The following RBFOX1 variants were observed in gnomAD, a reference collection of about 807,000 sequenced individuals.
RBFOX1 encodes the protein RNA binding protein fox-1 homolog 1.
Under a neutral mutation model 57.7 loss-of-function variants are expected in RBFOX1, and 8 were observed. That is an observed-to-expected ratio of 0.14 (90% CI 0.08 to 0.25). RBFOX1 has a LOEUF of 0.25. Among genes scored for constraint, RBFOX1 ranks in the 10% least tolerant of loss-of-function variants. RBFOX1 has a pLI of 1.00. For missense variants in RBFOX1, 611 were observed against 548.5 expected (o/e 1.11, Z -1.14); for synonymous variants, 326 against 222.4 (o/e 1.47, Z -4.15).
chr16:7,523,104 G>T (rs2077882668), intron 5 of RBFOX1, among the ~76,000 whole-genome samples: 1 of 152,100 alleles, frequency 6.6e-6, no homozygotes, highest in South Asian at 2.1e-4. Flanking sequence ...TGCTCTCTTT[G>T]TCTGGCTTCT....
intron 4 of RBFOX1, among the ~76,000 whole-genome samples, chr16:7,119,117 G>A (rs1255575564): frequency 6.6e-6 from 1 of 152,102 alleles, no homozygotes; most frequent in Admixed American, 6.6e-5. Flanking sequence ...GGCAAGTGTT[G>A]CAATGTATGT....
chr16:5,328,580 G>A (rs1012865691), intron 1 of RBFOX1, among the ~76,000 whole-genome samples: 24 of 152,186 alleles, frequency 1.6e-4, no homozygotes, highest in Admixed American at 1.3e-4. Context: ...TGGGTCATTT[G>A]AGTCAATGAA....
intron 3 of RBFOX1, among the ~76,000 whole-genome samples, chr16:6,939,237 G>T (rs572858326): frequency 6.6e-6 from 1 of 152,078 alleles, no homozygotes; most frequent in Non-Finnish European, 1.5e-5. Context: ...AACCATAAAG[G>T]TTTCCCCACT....
intron 1 of RBFOX1, among the ~76,000 whole-genome samples, chr16:6,315,235 G>A (rs567821088): frequency 2.6e-5 from 4 of 152,344 alleles, no homozygotes; most frequent in East Asian, 3.9e-4. Context: ...AAAGTTAGAA[G>A]GTAGTGAAGC....
At position 7,168,826 on chromosome 16, in the gene RBFOX1, G is replaced by C. The variant is rs548278024; in HGVS notation, c.27+116728G>C. On this transcript the variant is annotated intron_variant, in intron 4 of 15. Coordinates refer to ENST00000550418, the MANE Select transcript of RBFOX1 (RefSeq NM_018723.4). The stretch of plus-strand genomic sequence containing the variant: ...ACTGTTATTCTAATGAATAATTCAT[G>C]CAGTCTTCATTCTCCTGACATGAAC... Among the ~76,000 whole-genome samples the C allele has an allele frequency of 2.0e-5, 3 of 152,196 alleles. No individual in the cohort carries two copies. In the South Asian group the frequency reaches 6.2e-4, roughly 32 times the overall value.
chr16:6,982,785 G>C (rs1487624400), intron 3 of RBFOX1, among the ~76,000 whole-genome samples: 1 of 152,112 alleles, frequency 6.6e-6, no homozygotes, highest in Non-Finnish European at 1.5e-5. Context: ...CTGAGGTCAG[G>C]AGTTCAAGAC....
At chr16:6,817,643 C>T (rs775837958) in intron 3 of RBFOX1, among the ~76,000 whole-genome samples, 5 of 151,154 alleles carry the variant, frequency 3.3e-5, no homozygotes, top group Non-Finnish European at 7.4e-5. Flanking sequence ...GAGGAGGTTG[C>T]AGTGAGCTGA....
At chr16:5,739,911 A>G (rs1028349551) in intron 3 of RBFOX1, among the ~76,000 whole-genome samples, 2 of 152,188 alleles carry the variant, frequency 1.3e-5, no homozygotes, top group African/African-American at 4.8e-5. Context: ...TAATAAGAAA[A>G]ATGAATGGGT....
chr16:7,057,547 C>A (rs747782466), intron 4 of RBFOX1, among the ~76,000 whole-genome samples: 1 of 152,300 alleles, frequency 6.6e-6, no homozygotes, highest in East Asian at 1.9e-4. Context: ...ATCCTCGTTA[C>A]AAATTCCTGG....
intron 2 of RBFOX1, among the ~76,000 whole-genome samples, chr16:5,593,862 C>T (rs767172186): frequency 1.9e-4 from 29 of 152,282 alleles, no homozygotes; most frequent in Middle Eastern, 3.4e-3. Flanking sequence ...CAAGAACCCT[C>T]GTTTGGGGTC....
At chr16:6,539,210 G>A (rs1348712676) in intron 2 of RBFOX1, among the ~76,000 whole-genome samples, 6 of 152,056 alleles carry the variant, frequency 3.9e-5, no homozygotes, top group Non-Finnish European at 5.9e-5. Flanking sequence ...CAGTATGATG[G>A]AGGCACTTAT....
chr16:6,309,831 T>C (rs1338775037), intron 1 of RBFOX1, among the ~76,000 whole-genome samples: 1 of 152,194 alleles, frequency 6.6e-6, no homozygotes, highest in African/African-American at 2.4e-5. Context: ...GAAACACTAA[T>C]TGCATTTAAG....
chr16:5,375,252 C>T (rs1225345280), intron 1 of RBFOX1, among the ~76,000 whole-genome samples: 2 of 152,126 alleles, frequency 1.3e-5, no homozygotes, highest in African/African-American at 4.8e-5. Flanking sequence ...TTTCTAAAAT[C>T]AATTGACCAT....
At chr16:6,257,176 T>C (rs1422952130) in intron 1 of RBFOX1, among the ~76,000 whole-genome samples, 2 of 152,180 alleles carry the variant, frequency 1.3e-5, no homozygotes, top group Non-Finnish European at 2.9e-5. Context: ...CAGGTAAACA[T>C]GTGCCACAGT....
chr16:6,413,346 G>C (rs1431095773), intron 2 of RBFOX1, among the ~76,000 whole-genome samples: 7 of 150,926 alleles, frequency 4.6e-5, no homozygotes, highest in African/African-American at 1.7e-4. Context: ...AAAAATTGTA[G>C]AGATAGGGGG....
At chr16:7,543,668 TG>T in intron 5 of RBFOX1, among the ~76,000 whole-genome samples, 1 of 970 alleles carries the variant, frequency 1.0e-3, no homozygotes, top group African/African-American at 0.019. Flanking sequence ...GGGCAGTATC[TG>T]TGTGTGTGTG....
intron 3 of RBFOX1, among the ~76,000 whole-genome samples, chr16:6,815,305 A>ACG (rs2089825643): frequency 6.6e-6 from 1 of 152,002 alleles, no homozygotes; most frequent in Non-Finnish European, 1.5e-5. Context: ...TTTATTTTCT[A>ACG]GGTCTTTGTG....
intron 1 of RBFOX1, among the ~76,000 whole-genome samples, chr16:6,122,130 TCCTGGCCTCAGATGATCC>T (rs2096554884): frequency 1.3e-5 from 2 of 152,166 alleles, no homozygotes; most frequent in African/African-American, 4.8e-5. Context: ...GGTCTCGAAC[TCCTGGCCTCAGATGATCC>T]GCCCACCTTG....
intron 1 of RBFOX1, among the ~76,000 whole-genome samples, chr16:6,253,970 A>T (rs756331281): frequency 6.6e-6 from 1 of 152,002 alleles, no homozygotes; most frequent in Non-Finnish European, 1.5e-5. Context: ...GTAGGACAGA[A>T]CTCTTATAAA....
Sources: gnomAD v4.1 joint callset for allele counts (sites outside exome capture counted in the v4.1 genomes callset) on GRCh38, gnomAD v4.1.1 for gene constraint, MANE v1.5 for transcripts, NCBI Gene and HGNC (gene_info 2026-07-23, HGNC 2026-07-21) for gene names.